RFX7: variants seen among roughly 807,000 people sequenced by gnomAD.
RFX7 encodes regulatory factor X7, also known as DNA-binding protein RFX7.
Under a neutral mutation model 111.8 loss-of-function variants are expected in RFX7, and 26 were observed. The ratio of observed to expected loss-of-function variants is 0.23; its 90% CI spans 0.17 to 0.32. The LOEUF is 0.32. Ranked by LOEUF, RFX7 falls within the 10% of genes least tolerant of loss-of-function variation. The probability of loss-of-function intolerance (pLI) is 1.00; values close to 1 mark genes in which losing one functional copy is unlikely to be tolerated. For synonymous variants in RFX7, 624 were observed against 624.4 expected (o/e 1.00, Z 0.01); for missense variants, 1,573 against 1,772.9 (o/e 0.89, Z 2.02).
intron 5 of RFX7, among the ~76,000 whole-genome samples, chr15:56,112,432 T>C (rs1199976015): frequency 7.1e-6 from 1 of 141,834 alleles, no homozygotes; most frequent in African/African-American, 2.6e-5. Context: ...GAAATCGTAC[T>C]GGGAAAACTC....
chr15:56,137,034 A>G (rs372767384), intron 5 of RFX7, among the ~76,000 whole-genome samples: 31 of 152,056 alleles, frequency 2.0e-4, no homozygotes, highest in South Asian at 4.2e-4. Flanking sequence ...TTTTATTGAG[A>G]ATTTTTGCAT....
intron 5 of RFX7, among the ~76,000 whole-genome samples, chr15:56,122,510 A>G (rs951233275): frequency 1.3e-5 from 2 of 152,284 alleles, no homozygotes; most frequent in Admixed American, 6.5e-5. Flanking sequence ...GGTATTGCCC[A>G]AGGCTCACTG....
intron 3 of RFX7, among the ~76,000 whole-genome samples, chr15:56,169,343 CA>C (rs1246755696): frequency 1.3e-5 from 2 of 152,172 alleles, no homozygotes; most frequent in Non-Finnish European, 2.9e-5. Flanking sequence ...TATTTTTAAA[CA>C]GTAAGTTCTG....
At position 56,103,606 on chromosome 15, in the gene RFX7, T is replaced by G. The variant is rs775531388; in HGVS notation, c.466A>C (p.Asn156His). 6.2e-7 allele frequency: 1 copy of G among 1,607,442 alleles called. No individual in the cohort carries two copies. Among genetic ancestry groups the G allele is most frequent in the East Asian group, 2.2e-5 (1 of 44,804 alleles). ...CGTGCCTTCATGTTTGGAAAGACGT[T>G]TTTCATGATCTTTCCAAAATCAGCA... ...SAADFGKIMK[N>H]VFPNMKARRL... is the part of the protein sequence containing the mutation. The change falls in exon 6 of 10, where the codon AAC (asparagine) becomes CAC (histidine). Residue 156 changes from asparagine to histidine, a missense_variant. Asn to His is a moderately conservative substitution (Grantham distance 68). Around this residue, in one of 7 missense-constraint regions of RFX7, gnomAD observed 191 missense variants for 194.2 expected, o/e 0.98. Coordinates refer to ENST00000559447, the MANE Select transcript of RFX7 (RefSeq NM_022841.7).
chr15:56,230,582 A>G (rs2043541883), intron 2 of RFX7, among the ~76,000 whole-genome samples: 1 of 152,272 alleles, frequency 6.6e-6, no homozygotes, highest in Admixed American at 6.5e-5. Flanking sequence ...GATATTCACT[A>G]GTACCTACCA....
intron 5 of RFX7, among the ~76,000 whole-genome samples, chr15:56,124,438 A>T (rs1037256640): frequency 6.6e-5 from 10 of 151,914 alleles, no homozygotes; most frequent in Middle Eastern, 3.4e-3. Context: ...AAAAAAAAAA[A>T]TCCATACTGT....
At chr15:56,229,484 C>CTTGAT (rs1263547587) in intron 2 of RFX7, among the ~76,000 whole-genome samples, 1 of 152,174 alleles carries the variant, frequency 6.6e-6, no homozygotes, top group African/African-American at 2.4e-5. Flanking sequence ...CCAGGATGAT[C>CTTGAT]TTGATCTCCT....
chr15:56,096,630 G>C lies in RFX7; in HGVS notation c.1108-10C>G, dbSNP rs1291207965. The C allele has an allele frequency of 1.9e-6, 3 of 1,553,658 alleles. No homozygotes were observed. The highest frequency in any genetic ancestry group is 1.7e-6 in the Non-Finnish European group (2 of 1,146,364). The stretch of plus-strand genomic sequence containing the variant: ...GCCTAGTCCGCTGGACCTGTTAAAA[G>C]ATAGCAAAAAATCAGATTTAACAGG... On this transcript the variant is annotated splice_polypyrimidine_tract_variant and intron_variant, in intron 9 of 9. Coordinates refer to ENST00000559447, the MANE Select transcript of RFX7 (RefSeq NM_022841.7).
At chr15:56,150,437 G>A (rs1025507975) in intron 3 of RFX7, among the ~76,000 whole-genome samples, 22 of 152,158 alleles carry the variant, frequency 1.4e-4, no homozygotes, top group African/African-American at 2.2e-4. Flanking sequence ...CAGGTGCTCC[G>A]CTGGGTCGCA....
At chr15:56,131,050 G>C (rs1305674790) in intron 5 of RFX7, among the ~76,000 whole-genome samples, 1 of 151,764 alleles carries the variant, frequency 6.6e-6, no homozygotes, top group African/African-American at 2.4e-5. Context: ...TAGGGAAAGA[G>C]TTCCAATTCA....
At chr15:56,107,340 T>A (rs61500930) in intron 5 of RFX7, among the ~76,000 whole-genome samples, 1 of 148,120 alleles carries the variant, frequency 6.8e-6, no homozygotes, top group Non-Finnish European at 1.5e-5. Flanking sequence ...GAATTGTTTT[T>A]TTTTTTCTCT....
intron 5 of RFX7, among the ~76,000 whole-genome samples, chr15:56,136,462 AT>A (rs1261017787): frequency 1.5e-5 from 2 of 137,422 alleles, no homozygotes; most frequent in Non-Finnish European, 3.1e-5. Context: ...TTGTACATTG[AT>A]TTTGTATCCT....
chr15:56,101,285 C>G (rs2041748368), intron 8 of RFX7, 74 bp downstream of exon 8: 8 of 1,266,158 alleles, frequency 6.3e-6, no homozygotes, highest in Admixed American at 6.0e-5. Flanking sequence ...TTTGATCTAA[C>G]TCTTCTTTTG....
At chr15:56,222,232 G>A (rs1250139141) in intron 2 of RFX7, among the ~76,000 whole-genome samples, 3 of 152,108 alleles carry the variant, frequency 2.0e-5, no homozygotes, top group Non-Finnish European at 4.4e-5. Context: ...GGTCTTCGTT[G>A]CTGTTGTTTC....
intron 3 of RFX7, among the ~76,000 whole-genome samples, chr15:56,155,612 C>T (rs948009299): frequency 2.6e-5 from 4 of 151,788 alleles, no homozygotes; most frequent in Admixed American, 1.3e-4. Flanking sequence ...TGGGGCCCGT[C>T]GGCGGGTGTG....
intron 8 of RFX7, among the ~76,000 whole-genome samples, chr15:56,098,803 T>C (rs1171723987): frequency 6.6e-6 from 1 of 152,258 alleles, no homozygotes; most frequent in African/African-American, 2.4e-5. Context: ...ATTTAGCCCA[T>C]GAGGGGCATT....
intron 5 of RFX7, among the ~76,000 whole-genome samples, chr15:56,112,379 C>CAAAAAAAAAAAAAAAAA (rs71110374): frequency 9.8e-5 from 7 of 71,760 alleles, no homozygotes; most frequent in African/African-American, 1.7e-4. Context: ...GAGTACAAAT[C>CAAAAAAAAAAAAAAAAA]AAAAAAAAAA....
chr15:56,214,481 C>T (rs917564317), intron 2 of RFX7, among the ~76,000 whole-genome samples: 3 of 150,492 alleles, frequency 2.0e-5, no homozygotes, highest in Non-Finnish European at 3.0e-5. Context: ...TTTGGGAGGC[C>T]GAGGTGGGCG....
At chr15:56,229,862 A>G (rs1012773588) in intron 2 of RFX7, among the ~76,000 whole-genome samples, 1 of 152,196 alleles carries the variant, frequency 6.6e-6, no homozygotes, top group Non-Finnish European at 1.5e-5. Context: ...AAGGAAAGAA[A>G]GCTCTACATC....
Sources: allele counts gnomAD v4.1 joint callset (sites outside exome capture counted in the v4.1 genomes callset), GRCh38; gene constraint gnomAD v4.1.1; regional missense constraint gnomAD v4.1.1; transcripts MANE v1.5; gene names NCBI Gene and HGNC (gene_info 2026-07-23, HGNC 2026-07-21).